The following PCCB variants were observed in gnomAD, a reference collection of about 807,000 sequenced individuals.
PCCB encodes the protein propionyl-CoA carboxylase subunit beta.
A neutral mutation model predicts 60.7 loss-of-function variants in PCCB; 43 were observed. The observed-to-expected ratio is 0.71, with a 90% CI of 0.55 to 0.91. The LOEUF (loss-of-function observed/expected upper bound fraction) is 0.91. Ranked by LOEUF, PCCB falls within the 40% of genes least tolerant of loss-of-function variation. PCCB has a pLI of 0.00. For synonymous variants in PCCB, 276 were observed against 255.9 expected, an observed-to-expected ratio of 1.08 and a Z score of -0.75; for missense variants, 766 against 702.8, an observed-to-expected ratio of 1.09 and a Z score of -1.02.
intron 5 of PCCB, among the ~76,000 whole-genome samples, chr3:136,268,414 G>C (rs1335306751): frequency 3.4e-5 from 5 of 148,762 alleles, no homozygotes; most frequent in Non-Finnish European, 7.4e-5. Context: ...ACACTGTCTT[G>C]ATTACTGTAG....
intron 5 of PCCB, among the ~76,000 whole-genome samples, chr3:136,283,358 G>T (rs1461654897): frequency 6.6e-6 from 1 of 152,150 alleles, no homozygotes; most frequent in Admixed American, 6.5e-5. Context: ...TGGGTACTCA[G>T]TGTCAAGAAG....
chr3:136,325,164 ACAGGTGTGAGCCACCACATCTGGC>A (rs1338904653), intron 10 of PCCB, among the ~76,000 whole-genome samples: 3 of 151,994 alleles, frequency 2.0e-5, no homozygotes, highest in African/African-American at 7.2e-5. Context: ...TGATGGGATT[ACAGGTGTGAGCCACCACATCTGGC>A]CATTTTTTTT....
intron 5 of PCCB, among the ~76,000 whole-genome samples, chr3:136,282,453 G>A (rs913469338): frequency 1.3e-5 from 2 of 151,996 alleles, no homozygotes; most frequent in African/African-American, 4.8e-5. Flanking sequence ...GTGTTTTTTA[G>A]CTGTATTTTT....
At chr3:136,315,274 A>G (rs142170044) in intron 9 of PCCB, among the ~76,000 whole-genome samples, 2,964 of 152,326 alleles carry the variant, frequency 0.019, 99 homozygotes, top group African/African-American at 0.067. Context: ...GCGGTGGCTC[A>G]CGCCTGTAAT....
chr3:136,268,142 C>T (rs1425255086), intron 5 of PCCB, among the ~76,000 whole-genome samples: 19 of 101,284 alleles, frequency 1.9e-4, no homozygotes, highest in African/African-American at 7.3e-4. Context: ...ATATATATAT[C>T]TACATACACA....
intron 5 of PCCB, among the ~76,000 whole-genome samples, chr3:136,278,470 C>T (rs1942390227): frequency 6.6e-6 from 1 of 152,154 alleles, no homozygotes; most frequent in Admixed American, 6.5e-5. Context: ...AACACTGCTT[C>T]TTATCTGCCA....
intron 5 of PCCB, among the ~76,000 whole-genome samples, chr3:136,282,708 T>G (rs748096972): frequency 1.3e-5 from 2 of 152,228 alleles, no homozygotes; most frequent in African/African-American, 2.4e-5. Context: ...GCAGTGTTTA[T>G]AATCACATAT....
At chr3:136,290,269 C>CG (rs1933614006) in intron 6 of PCCB, among the ~76,000 whole-genome samples, 1 of 152,116 alleles carries the variant, frequency 6.6e-6, no homozygotes, top group Non-Finnish European at 1.5e-5. Context: ...TTTTCCTTCA[C>CG]TTTTGAAGAA....
chr3:136,260,377 C>A, intron 3 of PCCB, 102 bp from the exon 4 acceptor site: 1 of 1,009,828 alleles, frequency 9.9e-7, no homozygotes, highest in Non-Finnish European at 1.5e-6. Context: ...CACGCCTGGC[C>A]TAAAAACTTT....
At chr3:136,307,747 G>A (rs551465523) in intron 9 of PCCB, among the ~76,000 whole-genome samples, 96 of 151,950 alleles carry the variant, frequency 6.3e-4, no homozygotes, top group African/African-American at 2.2e-3. Flanking sequence ...AGGCTGAGGC[G>A]AGCAGATCAC....
At position 136,317,024 on chromosome 3, in the gene PCCB, G is replaced by T. The variant is rs1230475924; in HGVS notation, c.1050G>T (p.Arg350Ser). The change falls in exon 10 of 15, where the codon AGG (arginine) becomes AGT (serine). Residue 350 changes from arginine (R) to serine (S), a missense_variant. Coordinates refer to ENST00000251654, the MANE Select transcript of PCCB (RefSeq NM_000532.5). ...TTGGTTTTGCAAGAATGAATGGGAG[G>T]ACTGTTGGAATTGTTGGCAACCAAC... ...IIVGFARMNG[R>S]TVGIVGNQPK... 2 of 1,613,990 alleles carry T rather than the reference G, an allele frequency of 1.2e-6. No individual in the cohort carries two copies. Among genetic ancestry groups the T allele is most frequent in the South Asian group, 2.2e-5 (2 of 91,072 alleles).
At chr3:136,254,757 T>G (rs1219708512) in intron 1 of PCCB, among the ~76,000 whole-genome samples, 1 of 151,580 alleles carries the variant, frequency 6.6e-6, no homozygotes, top group Non-Finnish European at 1.5e-5. Flanking sequence ...GGTCTCAAAC[T>G]CCTGGGCTCA....
At position 136,306,950 on chromosome 3, in the gene PCCB, G is replaced by A. The variant is rs1272385239; in HGVS notation, c.966+5839G>A. 3.3e-5 allele frequency among the ~76,000 whole-genome samples: 4 copies of A among 122,518 alleles called. 1 individual carries two copies. Among genetic ancestry groups the A allele is most frequent in the African/African-American group, 5.0e-5 (2 of 40,094 alleles). The allele number at this position is 122,518 out of a possible 152,430, so 80.4% of individuals were successfully genotyped here. A position where few individuals can be genotyped will look rare whatever the true frequency, so the allele number is the denominator to read the frequency against. ...AAACTAGAGAAAATATTAACTGTTC[G>A]ATTTTTAAAATAAGGAGAAATACTC... On this transcript the variant is annotated intron_variant, in intron 9 of 14. Coordinates refer to ENST00000251654, the MANE Select transcript of PCCB (RefSeq NM_000532.5).
In PCCB at chr3:136,301,091, A is replaced by C. The variant is rs751257723; in HGVS notation, c.946A>C (p.Met316Leu). The C allele has an allele frequency of 6.2e-7, 1 of 1,613,666 alleles. No individual in the cohort carries two copies. Among genetic ancestry groups the C allele is most frequent in the Non-Finnish European group, 8.5e-7 (1 of 1,179,522 alleles). ...VPLESTKAYN[M>L]VDIIHSVVDE... ...TTTGGAATCAACCAAAGCCTACAAC[A>C]TGGTGGACATCATACACTCTGTAAG... The change falls in exon 9 of 15, where the codon ATG (methionine) becomes CTG (leucine). Residue 316 changes from methionine to leucine, a missense_variant. By Grantham distance (15) the Met-to-Leu change is conservative. Transcript: ENST00000251654.
chr3:136,280,898 C>T (rs540402470), intron 5 of PCCB, among the ~76,000 whole-genome samples: 5 of 152,330 alleles, frequency 3.3e-5, no homozygotes, highest in African/African-American at 1.2e-4. Flanking sequence ...AAGTGGTCCT[C>T]CTGCCTCATT....
chr3:136,272,379 A>G (rs1331704810), intron 5 of PCCB, among the ~76,000 whole-genome samples: 3 of 152,032 alleles, frequency 2.0e-5, no homozygotes, highest in African/African-American at 7.2e-5. Flanking sequence ...TCATAGAATG[A>G]TTTAGGAAGG....
chr3:136,313,035 A>G (rs758838350), intron 9 of PCCB, among the ~76,000 whole-genome samples: 35 of 152,386 alleles, frequency 2.3e-4, no homozygotes, highest in South Asian at 1.9e-3. Context: ...AATTCAAATT[A>G]CACTGAGTAT....
intron 6 of PCCB, among the ~76,000 whole-genome samples, chr3:136,288,028 TAACA>T (rs1933501892): frequency 1.3e-5 from 2 of 152,248 alleles, no homozygotes; most frequent in South Asian, 4.1e-4. Flanking sequence ...GCACTTACAT[TAACA>T]TAGTTTAATT....
In PCCB at chr3:136,298,048, C is replaced by A. The variant is rs1325085646; in HGVS notation, c.860C>A (p.Pro287His). 1 of 1,613,992 alleles carries A rather than the reference C, an allele frequency of 6.2e-7. No homozygotes were observed. ...CCCCTGAGCAGTCAGGACCCGGCTCCCGTCCGTGAGTGCCACGATCCCAGG... is the reference window on the plus strand; with the variant it reads ...CCCCTGAGCAGTCAGGACCCGGCTCACGTCCGTGAGTGCCACGATCCCAGG... ...YLPLSSQDPA[P>H]VRECHDPSDR... Residue 287 changes from proline (P) to histidine (H), a missense_variant, in exon 8 of 15, where the codon CCC (proline) becomes CAC (histidine). By Grantham distance (77) the Pro-to-His change is moderately conservative (BLOSUM62 -2). Coordinates refer to ENST00000251654, the MANE Select transcript of PCCB (RefSeq NM_000532.5).
Sources: allele counts gnomAD v4.1 joint callset (sites outside exome capture counted in the v4.1 genomes callset), GRCh38; gene constraint gnomAD v4.1.1; transcripts MANE v1.5; gene names NCBI Gene and HGNC (gene_info 2026-07-23, HGNC 2026-07-21).